PCDHA2: variants seen among roughly 807,000 people sequenced by gnomAD.
PCDHA2 encodes the protein protocadherin alpha-2.
Under a neutral mutation model 66.0 loss-of-function variants are expected in PCDHA2, and 58 were observed. The observed-to-expected ratio is 0.88, with a 90% confidence interval of 0.71 to 1.09. The LOEUF (loss-of-function observed/expected upper bound fraction) is 1.09. Among genes scored for constraint, PCDHA2 ranks in the 50% least tolerant of loss-of-function variants. PCDHA2 has a pLI of 0.00. For missense variants in PCDHA2, 1,267 were observed against 1,242.3 expected (o/e 1.02, Z -0.30); for synonymous variants, 634 against 554.0 (o/e 1.14, Z -2.03).
chr5:140,869,327 T>A, intron 1 of PCDHA2: 1 of 1,613,922 alleles, frequency 6.2e-7, no homozygotes, highest in Middle Eastern at 1.7e-4. Context: ...GGGGACCTTC[T>A]GGAGGTAAAT....
At chr5:140,809,029 G>T (rs1245883227) in intron 1 of PCDHA2, 1 of 1,613,858 alleles carries the variant, frequency 6.2e-7, no homozygotes. Context: ...TGCAGCCGGG[G>T]ACTGGTGGCG....
At chr5:140,803,020 C>T (rs1274408864) in intron 1 of PCDHA2, 1 of 1,613,916 alleles carries the variant, frequency 6.2e-7, no homozygotes, top group African/African-American at 1.3e-5. Flanking sequence ...GCGTGGCTTT[C>T]GTATGAGCTG....
intron 1 of PCDHA2, chr5:140,830,815 C>T (rs1341950748): frequency 6.4e-6 from 1 of 156,708 alleles, no homozygotes. Context: ...CATTTGTTTG[C>T]CTTTGAGCTT....
At chr5:140,975,940 G>A (rs562983011) in intron 1 of PCDHA2, among the ~76,000 whole-genome samples, 1 of 152,216 alleles carries the variant, frequency 6.6e-6, no homozygotes, top group Admixed American at 6.5e-5. Flanking sequence ...TGAAGCAATA[G>A]GACATATTAG....
chr5:140,885,083 C>T (rs1359793188), intron 1 of PCDHA2, among the ~76,000 whole-genome samples: 3 of 151,992 alleles, frequency 2.0e-5, no homozygotes, highest in Admixed American at 6.5e-5. Context: ...TAAAGAGCCC[C>T]ATAACTTTTC....
At chr5:140,895,671 T>C (rs1014778982) in intron 1 of PCDHA2, among the ~76,000 whole-genome samples, 5 of 152,184 alleles carry the variant, frequency 3.3e-5, no homozygotes, top group African/African-American at 4.8e-5. Context: ...GAACATGTAG[T>C]ATTTGGTTTT....
At chr5:140,938,881 A>T (rs2092243650) in intron 1 of PCDHA2, among the ~76,000 whole-genome samples, 1 of 152,088 alleles carries the variant, frequency 6.6e-6, no homozygotes, top group South Asian at 2.1e-4. Context: ...GAAGCAACAC[A>T]CACACACACA....
In PCDHA2 at chr5:140,843,721, T is replaced by C. The variant is rs2150365557; in HGVS notation, c.2388+46369T>C. 8 of 1,563,020 alleles carry C rather than the reference T, an allele frequency of 5.1e-6. 1 individual carries two copies. Among genetic ancestry groups the C allele is most frequent in the Non-Finnish European group, 7.0e-6 (8 of 1,139,046 alleles). On this transcript the variant is annotated intron_variant, in intron 1 of 3. Coordinates refer to ENST00000526136, the MANE Select transcript of PCDHA2 (RefSeq NM_018905.3). ...ATGTTGATCATGGCCTCAAAGTAAG[T>C]CCATTTAAATTTAGAACTCATAAAT...
chr5:140,949,161 C>T (rs2094347975), intron 1 of PCDHA2, among the ~76,000 whole-genome samples: 1 of 151,598 alleles, frequency 6.6e-6, no homozygotes, highest in Admixed American at 6.6e-5. Context: ...TAATCTAATT[C>T]TCTTTTGGTC....
At chr5:140,850,396 C>T (rs2150482265) in intron 1 of PCDHA2, 1 of 1,597,978 alleles carries the variant, frequency 6.3e-7, no homozygotes, top group Non-Finnish European at 8.6e-7. Flanking sequence ...ATCAGCACAA[C>T]GCGTGCCCTG....
In PCDHA2 at chr5:140,797,343, C is replaced by T. The variant is rs1554120412; in HGVS notation, c.2379C>T (p.Tyr793=). 2 of 1,613,872 alleles carry T rather than the reference C, an allele frequency of 1.2e-6. No individual in the cohort carries two copies. Among genetic ancestry groups the T allele is most frequent in the South Asian group, 1.1e-5 (1 of 91,078 alleles). Residue 793 remains tyrosine, a synonymous_variant, in exon 1 of 4, where the codon TAC becomes TAT. Transcript: ENST00000526136. ...AEEKQLSESE[Y]VGKPRQPNPD... ...AGAAACAGCTCTCAGAATCAGAATA[C>T]GTAGGAAAGGTGAGTCTTTTACTTT...
chr5:140,902,191 C>G (rs1218204978), intron 1 of PCDHA2, among the ~76,000 whole-genome samples: 1 of 147,360 alleles, frequency 6.8e-6, no homozygotes, highest in Non-Finnish European at 1.5e-5. Context: ...TGTCTTCTCT[C>G]TCTCTCTCTT....
intron 1 of PCDHA2, chr5:140,828,314 C>T: frequency 6.2e-7 from 1 of 1,614,208 alleles, no homozygotes; most frequent in South Asian, 1.1e-5. Flanking sequence ...CGAGGACCTT[C>T]TGGAGGTAAA....
At chr5:140,999,837 A>T (rs2097878885) in intron 3 of PCDHA2, among the ~76,000 whole-genome samples, 1 of 152,206 alleles carries the variant, frequency 6.6e-6, no homozygotes, top group Non-Finnish European at 1.5e-5. Context: ...AAATATGCCA[A>T]GTGTATTTAT....
chr5:140,912,318 C>T (rs1554195270), intron 1 of PCDHA2, among the ~76,000 whole-genome samples: 2 of 151,536 alleles, frequency 1.3e-5, no homozygotes, highest in East Asian at 1.9e-4. Context: ...CAAGTTGACC[C>T]TCAGTATTAA....
intron 1 of PCDHA2, chr5:140,848,334 A>T: frequency 2.4e-6 from 2 of 850,772 alleles, no homozygotes; most frequent in Non-Finnish European, 3.7e-6. Context: ...CTCTGAATCC[A>T]GACAAATACA....
intron 1 of PCDHA2, chr5:140,863,620 A>G (rs2048096081): frequency 3.1e-6 from 1 of 322,758 alleles, no homozygotes; most frequent in Non-Finnish European, 6.1e-6. Context: ...CCTCATAGTG[A>G]CATTGATAAT....
chr5:140,829,101 T>C lies in PCDHA2; in HGVS notation c.2388+31749T>C, dbSNP rs2150162568. 8 of 1,611,922 alleles carry C rather than the reference T, an allele frequency of 5.0e-6. No homozygotes were observed. In the Admixed American group the frequency reaches 1.3e-4, roughly 27 times the overall value. ...CCCATGGCGGGTCATTGCACCGTTT[T>C]AGTGAGAATTTTGGATAAAAATGAT... On this transcript the variant is annotated intron_variant, in intron 1 of 3. Transcript: ENST00000526136.
chr5:140,981,582 A>C (rs2096939117), intron 2 of PCDHA2, among the ~76,000 whole-genome samples: 1 of 152,182 alleles, frequency 6.6e-6, no homozygotes, highest in African/African-American at 2.4e-5. Flanking sequence ...TCAAAAATAA[A>C]TAAAATAAAA....
Sources: gnomAD v4.1 joint callset for allele counts (sites outside exome capture counted in the v4.1 genomes callset) on GRCh38, gnomAD v4.1.1 for gene constraint, MANE v1.5 for transcripts, NCBI Gene and HGNC (gene_info 2026-07-23, HGNC 2026-07-21) for gene names.